The following CELF2 variants were observed in gnomAD, a reference collection of about 807,000 sequenced individuals.
CELF2 encodes the protein CUGBP Elav-like family member 2.
CELF2 carries 8 observed loss-of-function variants against 62.6 expected under a neutral mutation model. That is an observed-to-expected ratio of 0.13 (90% CI 0.07 to 0.23). The LOEUF is 0.23. Ranked by LOEUF, CELF2 falls within the 10% of genes least tolerant of loss-of-function variation. The pLI is 1.00. For missense variants in CELF2, 333 were observed against 671.0 expected (o/e 0.50, Z 5.56); for synonymous variants, 258 against 250.0 (o/e 1.03, Z -0.30).
At chr10:10,849,208 C>A (rs1486755905) in intron 1 of CELF2, among the ~76,000 whole-genome samples, 2 of 150,846 alleles carry the variant, frequency 1.3e-5, no homozygotes, top group Admixed American at 6.6e-5. Flanking sequence ...ACCAGCCTGG[C>A]CAAAATAGTG....
the CELF2 span, among the ~76,000 whole-genome samples, chr10:10,607,928 A>T: frequency 2.0e-5 from 3 of 151,994 alleles, no homozygotes; most frequent in Non-Finnish European, 2.9e-5. Context: ...GGAGTTTGAG[A>T]CCAGCCTGAC....
intron 1 of CELF2, among the ~76,000 whole-genome samples, chr10:11,076,957 G>A (rs2072174424): frequency 6.6e-6 from 1 of 152,190 alleles, no homozygotes; most frequent in Non-Finnish European, 1.5e-5. Context: ...GGTTATGAAA[G>A]AAGTATTGGA....
intron 1 of CELF2, among the ~76,000 whole-genome samples, chr10:11,137,412 T>C (rs187018718): frequency 6.6e-6 from 1 of 152,354 alleles, no homozygotes; most frequent in East Asian, 1.9e-4. Context: ...GAAGCCGTGT[T>C]AGTACAATGC....
At chr10:10,529,919 G>A in the CELF2 span, among the ~76,000 whole-genome samples, 3 of 152,212 alleles carry the variant, frequency 2.0e-5, no homozygotes, top group African/African-American at 4.8e-5. Flanking sequence ...ATTTAAGAAC[G>A]TTCCTTTGTT....
At chr10:11,184,835 A>G (rs2074400808) in intron 2 of CELF2, among the ~76,000 whole-genome samples, 1 of 152,196 alleles carries the variant, frequency 6.6e-6, no homozygotes, top group Admixed American at 6.5e-5. Flanking sequence ...ATTTGCACAT[A>G]AAGACAGTTC....
chr10:11,100,357 A>C (rs568585142), intron 1 of CELF2, among the ~76,000 whole-genome samples: 2 of 152,128 alleles, frequency 1.3e-5, no homozygotes, highest in Non-Finnish European at 2.9e-5. Context: ...TAGGAATTCC[A>C]CATACTTTTT....
chr10:10,838,861 C>T (rs559736229), intron 1 of CELF2, among the ~76,000 whole-genome samples: 19 of 152,126 alleles, frequency 1.2e-4, no homozygotes, highest in South Asian at 1.0e-3. Flanking sequence ...GAAAATAGGC[C>T]GGGCACAGTG....
the CELF2 span, among the ~76,000 whole-genome samples, chr10:10,477,635 G>A: frequency 1.6e-3 from 237 of 152,068 alleles, no homozygotes; most frequent in African/African-American, 5.3e-3. Flanking sequence ...AAAGTAAATA[G>A]GATTAAGAGC....
the CELF2 span, among the ~76,000 whole-genome samples, chr10:10,714,543 T>C: frequency 1.3e-5 from 2 of 152,254 alleles, no homozygotes; most frequent in African/African-American, 4.8e-5. Flanking sequence ...AGCAATTAAA[T>C]GAGATTCACA....
At chr10:11,074,055 T>C (rs2071051933) in intron 1 of CELF2, among the ~76,000 whole-genome samples, 1 of 152,184 alleles carries the variant, frequency 6.6e-6, no homozygotes, top group African/African-American at 2.4e-5. Context: ...AAGTTCTAAA[T>C]CCTTGGACAC....
upstream of CELF2, among the ~76,000 whole-genome samples, chr10:10,793,434 G>C (rs1389629975): frequency 6.6e-6 from 1 of 152,116 alleles, no homozygotes; most frequent in Non-Finnish European, 1.5e-5. Context: ...TTTACAGTGG[G>C]AGCTGATGCT....
chr10:11,043,784 T>G (rs2062278504), intron 1 of CELF2, among the ~76,000 whole-genome samples: 1 of 152,180 alleles, frequency 6.6e-6, no homozygotes, highest in Non-Finnish European at 1.5e-5. Flanking sequence ...CCATCTGGAC[T>G]GGTCACCCGA....
At chr10:10,845,763 TC>T (rs1387175244) in intron 1 of CELF2, among the ~76,000 whole-genome samples, 2 of 152,144 alleles carry the variant, frequency 1.3e-5, no homozygotes, top group Non-Finnish European at 2.9e-5. Context: ...TTAAATAAGA[TC>T]TGAGCACTTT....
chr10:11,315,522 T>G lies in CELF2; in HGVS notation c.1096+1264T>G, dbSNP rs1303539633. ...AAAATTTATCCAAATAAAAATTAAC[T>G]TGTATAATCCTGATAAATCATTTTC... On this transcript the variant is annotated intron_variant, in intron 10 of 12. Transcript: ENST00000633077. This position sits in a 1 kb window ranked among gnomAD's most constrained non-coding sequence, Gnocchi z 5.8. 6.6e-6 allele frequency among the ~76,000 whole-genome samples: 1 copy of G among 152,238 alleles called. No individual in the cohort carries two copies. Among genetic ancestry groups the G allele is most frequent in the Non-Finnish European group, 1.5e-5 (1 of 68,040 alleles).
rs1041227766 is a variant in CELF2, at chr10:10,938,062, G to A, written c.89+18063G>A. ...AACTAAAGTAAACTGAGGTATCTTA[G>A]ATATAGAAATCTAATTTGGAATAAC... is the stretch of plus-strand genomic sequence containing the variant. On this transcript the variant is annotated intron_variant, in intron 2 of 13. Transcript: ENST00000636488. The surrounding 1 kb of genome is among the most constrained non-coding windows in gnomAD (Gnocchi z 4.2). Among the ~76,000 whole-genome samples, 4 of 152,138 alleles carry A rather than the reference G, an allele frequency of 2.6e-5. No homozygotes were observed. Among genetic ancestry groups the A allele is most frequent in the African/African-American group, 9.7e-5 (4 of 41,434 alleles).
chr10:11,167,318 A>G (rs970966080), intron 2 of CELF2, among the ~76,000 whole-genome samples: 1 of 152,256 alleles, frequency 6.6e-6, no homozygotes, highest in African/African-American at 2.4e-5. Flanking sequence ...CTCACCAGCC[A>G]GACTGTCACC....
intron 1 of CELF2, among the ~76,000 whole-genome samples, chr10:10,890,488 T>C (rs977756021): frequency 2.6e-5 from 4 of 152,232 alleles, no homozygotes. Flanking sequence ...AAATGATTAC[T>C]TGATAATTTT....
intron 1 of CELF2, among the ~76,000 whole-genome samples, chr10:11,058,155 G>T (rs1332010912): frequency 6.6e-6 from 1 of 151,520 alleles, no homozygotes; most frequent in Non-Finnish European, 1.5e-5. Flanking sequence ...TCGAGTTGTA[G>T]TATTTATTGC....
intron 1 of CELF2, among the ~76,000 whole-genome samples, chr10:11,072,427 A>G (rs1042524342): frequency 6.6e-6 from 1 of 152,230 alleles, no homozygotes; most frequent in African/African-American, 2.4e-5. Context: ...TGTTTCCTGC[A>G]TATTGCTAAG....
Sources: gnomAD v4.1 joint callset for allele counts (sites outside exome capture counted in the v4.1 genomes callset) on GRCh38, gnomAD v4.1.1 for gene constraint, Gnocchi (gnomAD v3.1) non-coding constraint, MANE v1.5 for transcripts, NCBI Gene and HGNC (gene_info 2026-07-23, HGNC 2026-07-21) for gene names.